PEX5L: variants seen among roughly 807,000 people sequenced by gnomAD.
PEX5L encodes PEX5-related protein.
In PEX5L, 30 loss-of-function variants were observed where a neutral mutation model predicts 84.0. The ratio of observed to expected loss-of-function variants is 0.36; its 90% CI spans 0.27 to 0.48. PEX5L has a LOEUF of 0.48. Among genes scored for constraint, PEX5L ranks in the 20% least tolerant of loss-of-function variants. The pLI, the probability that PEX5L is intolerant of heterozygous loss-of-function variation, is 0.99. For synonymous variants in PEX5L, 270 were observed against 283.1 expected, an observed-to-expected ratio of 0.95 and a Z score of 0.46; for missense variants, 533 against 754.6, an observed-to-expected ratio of 0.71 and a Z score of 3.44.
At chr3:179,885,654 A>T (rs1227153430) in intron 4 of PEX5L, among the ~76,000 whole-genome samples, 1 of 152,126 alleles carries the variant, frequency 6.6e-6, no homozygotes, top group Non-Finnish European at 1.5e-5. Context: ...TCAGAAAAAA[A>T]AAAAAAAGCG....
chr3:179,811,942 G>C (rs1724052952), intron 10 of PEX5L, 71 bp from the exon 11 acceptor site: 1 of 1,191,788 alleles, frequency 8.4e-7, no homozygotes, highest in African/African-American at 1.5e-5. Flanking sequence ...TTGGTTTGTT[G>C]ACCTGTGATG....
chr3:180,027,925 G>T (rs905984144), intron 1 of PEX5L, among the ~76,000 whole-genome samples: 19 of 152,092 alleles, frequency 1.2e-4, no homozygotes, highest in African/African-American at 4.6e-4. Context: ...TTAGACTCAG[G>T]TTGTGCATTT....
Position 180,001,322 on chromosome 3 carries a change from C to CAT in PEX5L, c.22-29659_22-29658dup, listed in dbSNP as rs567188632. On this transcript the variant is annotated intron_variant, in intron 1 of 14. Transcript: ENST00000467460. ...TACTTAATAAACTCCCCTTTATATTCATATATATATATAAAATAAAATATA... is the reference window on the plus strand; with the variant it reads ...TACTTAATAAACTCCCCTTTATATTCATATATATATATATAAAATAAAATATA... Among the ~76,000 whole-genome samples the CAT allele has an allele frequency of 7.7e-4, 113 of 146,646 alleles. 2 individuals are homozygous for CAT. The South Asian group carries it at 0.019, about 24-fold the overall frequency.
intron 8 of PEX5L, among the ~76,000 whole-genome samples, chr3:179,821,026 C>T (rs184706748): frequency 3.9e-5 from 6 of 152,076 alleles, no homozygotes; most frequent in African/African-American, 7.2e-5. Context: ...CTCACATGGC[C>T]GGGAAATAGA....
At chr3:179,889,830 T>C (rs1757062244) in intron 3 of PEX5L, among the ~76,000 whole-genome samples, 1 of 152,244 alleles carries the variant, frequency 6.6e-6, no homozygotes, top group African/African-American at 2.4e-5. Flanking sequence ...ATATTTGAAT[T>C]TTTGTAAATG....
At chr3:179,873,759 TTGAG>T (rs1307711948) in intron 7 of PEX5L, among the ~76,000 whole-genome samples, 2 of 152,172 alleles carry the variant, frequency 1.3e-5, no homozygotes, top group African/African-American at 4.8e-5. Flanking sequence ...ACAGGATTAT[TTGAG>T]TATTTTATAT....
intron 1 of PEX5L, among the ~76,000 whole-genome samples, chr3:179,993,791 C>T (rs941359574): frequency 5.9e-5 from 9 of 152,200 alleles, no homozygotes; most frequent in African/African-American, 1.9e-4. Flanking sequence ...GCATGAGCCA[C>T]CGCATCCGGC....
intron 5 of PEX5L, among the ~76,000 whole-genome samples, 192 bp downstream of exon 5, chr3:179,879,737 G>C (rs1753596138): frequency 6.6e-6 from 1 of 152,186 alleles, no homozygotes; most frequent in Admixed American, 6.5e-5. Flanking sequence ...GAATCAATCA[G>C]TTATGCAAAG....
chr3:179,961,363 A>AT (rs1781984135), intron 2 of PEX5L, among the ~76,000 whole-genome samples: 1 of 63,208 alleles, frequency 1.6e-5, no homozygotes, highest in Non-Finnish European at 2.9e-5. Context: ...GCAATGGAGC[A>AT]TAAAAAAAAA....
chr3:179,844,173 A>ATG (rs1341868903), intron 8 of PEX5L, among the ~76,000 whole-genome samples: 16 of 152,160 alleles, frequency 1.1e-4, no homozygotes, highest in Non-Finnish European at 1.9e-4. Context: ...GCGTGTGTGC[A>ATG]TGTGTGTGTG....
intron 9 of PEX5L, among the ~76,000 whole-genome samples, chr3:179,817,313 G>A (rs549533703): frequency 6.6e-6 from 1 of 152,174 alleles, no homozygotes; most frequent in Non-Finnish European, 1.5e-5. Context: ...AGGCAGTCTT[G>A]TAGCTTAGGC....
chr3:179,965,097 T>C (rs528875174), intron 2 of PEX5L, among the ~76,000 whole-genome samples: 99 of 152,312 alleles, frequency 6.5e-4, no homozygotes, highest in South Asian at 4.1e-3. Flanking sequence ...GCTAACCACA[T>C]GGCATGGCAG....
intron 2 of PEX5L, among the ~76,000 whole-genome samples, chr3:179,959,083 C>G (rs1781368917): frequency 6.6e-6 from 1 of 151,482 alleles, no homozygotes; most frequent in Admixed American, 6.6e-5. Flanking sequence ...TAAAAAAAAC[C>G]AGATTCCTGG....
chr3:179,953,391 TAAAC>T (rs1288564120), intron 2 of PEX5L, among the ~76,000 whole-genome samples: 1 of 152,094 alleles, frequency 6.6e-6, no homozygotes, highest in East Asian at 1.9e-4. Context: ...ACAAGGAACT[TAAAC>T]AAATTTACAA....
chr3:179,993,476 C>T (rs924793719), intron 1 of PEX5L, among the ~76,000 whole-genome samples: 3 of 151,996 alleles, frequency 2.0e-5, no homozygotes, highest in African/African-American at 7.2e-5. Context: ...ATAACCTATG[C>T]ACAACCTCCC....
At chr3:179,975,364 T>G (rs1785649884) in intron 1 of PEX5L, among the ~76,000 whole-genome samples, 1 of 151,894 alleles carries the variant, frequency 6.6e-6, no homozygotes, top group African/African-American at 2.4e-5. Context: ...AAAGTAAGGG[T>G]TTTAATTGAA....
In PEX5L at chr3:179,799,903, G is replaced by T. The variant is rs1718363027; in HGVS notation, c.*1925C>A. The T allele has an allele frequency of 6.6e-6, 1 of 152,182 alleles. No individual in the cohort carries two copies. The highest frequency in any genetic ancestry group is 6.5e-5 in the Admixed American group (1 of 15,274). 9.4% of individuals were successfully genotyped at this position (152,182 alleles called of 1,614,324 possible). A position where few individuals can be genotyped will look rare whatever the true frequency, so the allele number is the denominator to read the frequency against. On this transcript the variant is annotated 3_prime_UTR_variant, in exon 15 of 15. Coordinates refer to ENST00000467460, the MANE Select transcript of PEX5L (RefSeq NM_016559.3). ...AAGCACGGTCTGAGACTGGGTGGTC[G>T]CTGCTACCCATGATGAGTGCCTGAA...
intron 1 of PEX5L, among the ~76,000 whole-genome samples, chr3:180,010,246 C>CCT (rs1453821347): frequency 2.9e-5 from 3 of 105,180 alleles, no homozygotes; most frequent in Admixed American, 1.8e-4. Context: ...CACCCGGCCT[C>CCT]TTTTTTTTTT....
At chr3:179,830,877 A>T (rs758069422) in intron 8 of PEX5L, among the ~76,000 whole-genome samples, 14 of 152,024 alleles carry the variant, frequency 9.2e-5, no homozygotes, top group Non-Finnish European at 1.9e-4. Context: ...AGGGGAGGAG[A>T]CTCTAGATGG....
Sources: gnomAD v4.1 joint callset for allele counts (sites outside exome capture counted in the v4.1 genomes callset) on GRCh38, gnomAD v4.1.1 for gene constraint, MANE v1.5 for transcripts, NCBI Gene and HGNC (gene_info 2026-07-23, HGNC 2026-07-21) for gene names.